Variants in DYNC1I1 observed in about 807,000 individuals in gnomAD.
DYNC1I1 encodes the protein dynein cytoplasmic 1 intermediate chain 1, also known as cytoplasmic dynein 1 intermediate chain 1.
In DYNC1I1, 43 loss-of-function variants were observed where a neutral mutation model predicts 86.6. The observed-to-expected ratio is 0.50, with a 90% CI of 0.39 to 0.64. The LOEUF (loss-of-function observed/expected upper bound fraction) is 0.64, where lower values mean the gene tolerates loss of function less well. DYNC1I1 is among the 30% of genes least tolerant of loss of function. DYNC1I1 has a pLI of 0.00. For missense variants in DYNC1I1, 604 were observed against 788.8 expected, an observed-to-expected ratio of 0.77 and a Z score of 2.81; for synonymous variants, 262 against 283.7, an observed-to-expected ratio of 0.92 and a Z score of 0.77.
At chr7:96,091,058 A>G (rs1451030138) in intron 16 of DYNC1I1, among the ~76,000 whole-genome samples, 3 of 152,110 alleles carry the variant, frequency 2.0e-5, no homozygotes, top group African/African-American at 7.2e-5. Flanking sequence ...GGTAAAGGGA[A>G]TTGTCCTAAA....
intron 12 of DYNC1I1, among the ~76,000 whole-genome samples, chr7:96,034,430 T>C (rs1399725583): frequency 6.6e-6 from 1 of 152,198 alleles, no homozygotes; most frequent in Non-Finnish European, 1.5e-5. Flanking sequence ...CCGTTTGTAT[T>C]AGTTTTAGCA....
At chr7:95,910,082 A>G (rs570904438) in intron 6 of DYNC1I1, among the ~76,000 whole-genome samples, 173 of 152,248 alleles carry the variant, frequency 1.1e-3, no homozygotes, top group African/African-American at 3.9e-3. Context: ...TGTCACCCCT[A>G]TAGGGATGCT....
chr7:96,041,592 G>A (rs748598618), intron 14 of DYNC1I1, among the ~76,000 whole-genome samples: 5 of 152,112 alleles, frequency 3.3e-5, no homozygotes, highest in Non-Finnish European at 7.4e-5. Flanking sequence ...AGTGCTGTGT[G>A]AATCAAAAGT....
rs531031527 is a variant in DYNC1I1, at chr7:96,098,030, A to C, written c.*437A>C. The C allele has an allele frequency of 1.7e-4, 165 of 990,310 alleles. No individual in the cohort carries two copies. In the Middle Eastern group the frequency reaches 3.1e-3, roughly 18 times the overall value. 61.3% of individuals were successfully genotyped at this position (990,310 alleles called of 1,614,324 possible). On this transcript the variant is annotated 3_prime_UTR_variant, in exon 17 of 17. Coordinates refer to ENST00000447467, the MANE Select transcript of DYNC1I1 (RefSeq NM_001135556.2). ...AAAGACTTGAGACGTGGTGTTTTACATGGTGACTCACATTATGAATGGATT... is the reference window on the plus strand; with the variant it reads ...AAAGACTTGAGACGTGGTGTTTTACCTGGTGACTCACATTATGAATGGATT...
intron 4 of DYNC1I1, chr7:95,819,054 G>A (rs149641932): frequency 0.013 from 1,970 of 152,170 alleles, 17 homozygotes; most frequent in Non-Finnish European, 0.02. Context: ...CCCCTCTCAA[G>A]GGTACCACAA....
chr7:95,815,547 A>G (rs1584248332), intron 4 of DYNC1I1, among the ~76,000 whole-genome samples: 1 of 152,212 alleles, frequency 6.6e-6, no homozygotes, highest in South Asian at 2.1e-4. Context: ...CTTTAATAAA[A>G]TAAATATGAA....
At chr7:96,038,578 A>G (rs1788940840) in intron 13 of DYNC1I1, among the ~76,000 whole-genome samples, 1 of 152,208 alleles carries the variant, frequency 6.6e-6, no homozygotes, top group Non-Finnish European at 1.5e-5. Flanking sequence ...ACAAATATTT[A>G]TTGAGCACTT....
At chr7:96,022,781 C>T (rs923133219) in intron 10 of DYNC1I1, among the ~76,000 whole-genome samples, 1 of 152,036 alleles carries the variant, frequency 6.6e-6, no homozygotes, top group Non-Finnish European at 1.5e-5. Context: ...AGGAGGATCA[C>T]TTGAGCCTGG....
chr7:95,896,047 T>C (rs1194780406), intron 6 of DYNC1I1, among the ~76,000 whole-genome samples: 1 of 152,184 alleles, frequency 6.6e-6, no homozygotes, highest in Non-Finnish European at 1.5e-5. Context: ...GTCTGTGAAG[T>C]GTTGGTGCTG....
At chr7:95,934,319 A>C (rs1036357568) in intron 6 of DYNC1I1, among the ~76,000 whole-genome samples, 1 of 152,210 alleles carries the variant, frequency 6.6e-6, no homozygotes, top group Non-Finnish European at 1.5e-5. Flanking sequence ...AATTACAAAC[A>C]AAAGCTTTGG....
intron 5 of DYNC1I1, among the ~76,000 whole-genome samples, chr7:95,857,335 C>A (rs1789752234): frequency 6.6e-6 from 1 of 152,128 alleles, no homozygotes; most frequent in Admixed American, 6.5e-5. Context: ...GGGAGAAACA[C>A]CTCTTTTATT....
Position 95,873,278 on chromosome 7 carries a change from C to G in DYNC1I1, c.490+3280C>G, listed in dbSNP as rs868459824. On this transcript the variant is annotated intron_variant, in intron 6 of 16. Coordinates refer to ENST00000447467, the MANE Select transcript of DYNC1I1 (RefSeq NM_001135556.2). ...TAAGCACTTCTTCTGAGACTCACCTCTTAGGGACATTTGTTTGATTTGCCA... is the reference window on the plus strand; with the variant it reads ...TAAGCACTTCTTCTGAGACTCACCTGTTAGGGACATTTGTTTGATTTGCCA... 1.1e-4 allele frequency among the ~76,000 whole-genome samples: 16 copies of G among 152,180 alleles called. 1 individual carries two copies. Among genetic ancestry groups the G allele is most frequent in the African/African-American group, 4.8e-5 (2 of 41,438 alleles).
At chr7:96,017,031 T>G (rs998336627) in intron 10 of DYNC1I1, among the ~76,000 whole-genome samples, 1 of 152,166 alleles carries the variant, frequency 6.6e-6, no homozygotes, top group Non-Finnish European at 1.5e-5. Flanking sequence ...CCTCCCTTTT[T>G]GCTACTAATC....
intron 14 of DYNC1I1, among the ~76,000 whole-genome samples, chr7:96,065,645 C>T (rs1168147392): frequency 6.6e-6 from 1 of 152,142 alleles, no homozygotes; most frequent in African/African-American, 2.4e-5. Flanking sequence ...GCCTTGGTCT[C>T]CCAAAGCGCT....
intron 14 of DYNC1I1, among the ~76,000 whole-genome samples, chr7:96,061,815 T>A (rs975537295): frequency 2.0e-5 from 3 of 151,958 alleles, no homozygotes; most frequent in African/African-American, 7.3e-5. Context: ...ATGACCTTTC[T>A]CAGAATAAAA....
At chr7:96,039,456 C>T in intron 14 of DYNC1I1, 35 bp downstream of exon 14, 1 of 1,612,626 alleles carries the variant, frequency 6.2e-7, no homozygotes, top group Non-Finnish European at 8.5e-7. Flanking sequence ...TCAGATAATA[C>T]ATAAGGGCAG....
At chr7:95,915,467 A>T (rs540076822) in intron 6 of DYNC1I1, among the ~76,000 whole-genome samples, 3 of 152,346 alleles carry the variant, frequency 2.0e-5, no homozygotes, top group Non-Finnish European at 4.4e-5. Context: ...ATTTCTATAC[A>T]CTTCAGGTAA....
At chr7:95,968,830 G>A (rs1793088125) in intron 6 of DYNC1I1, among the ~76,000 whole-genome samples, 1 of 110,546 alleles carries the variant, frequency 9.0e-6, no homozygotes, top group Non-Finnish European at 1.8e-5. Flanking sequence ...TGCTCTGTGT[G>A]TGTGTGTGTG....
chr7:95,905,911 T>A (rs921033451), intron 6 of DYNC1I1, among the ~76,000 whole-genome samples: 2 of 152,224 alleles, frequency 1.3e-5, no homozygotes, highest in Non-Finnish European at 2.9e-5. Context: ...GATATACTGT[T>A]CTTTATAAGC....
Sources: gnomAD v4.1 joint callset for allele counts (sites outside exome capture counted in the v4.1 genomes callset) on GRCh38, gnomAD v4.1.1 for gene constraint, MANE v1.5 for transcripts, NCBI Gene and HGNC (gene_info 2026-07-23, HGNC 2026-07-21) for gene names.